The following IGF1R variants were observed in gnomAD, a reference collection of about 807,000 sequenced individuals.
IGF1R encodes the protein insulin like growth factor 1 receptor, also known as insulin-like growth factor 1 receptor.
IGF1R carries 44 observed loss-of-function variants against 144.6 expected under a neutral mutation model. The ratio of observed to expected loss-of-function variants is 0.30; its 90% CI spans 0.24 to 0.39. The LOEUF (loss-of-function observed/expected upper bound fraction) is 0.39. IGF1R is among the 10% of genes least tolerant of loss of function. The pLI is 1.00. For synonymous variants in IGF1R, 795 were observed against 722.8 expected (o/e 1.10, Z -1.60); for missense variants, 1,355 against 1,833.7 (o/e 0.74, Z 4.77).
chr15:98,698,538 C>T (rs1286350622), intron 1 of IGF1R, among the ~76,000 whole-genome samples: 6 of 152,218 alleles, frequency 3.9e-5, no homozygotes, highest in East Asian at 1.9e-4. Flanking sequence ...GAGCAGAATC[C>T]GCAGGATTTC....
chr15:98,956,387 G>C (rs893471758), intron 20 of IGF1R, among the ~76,000 whole-genome samples: 2 of 152,240 alleles, frequency 1.3e-5, no homozygotes, highest in African/African-American at 4.8e-5. Flanking sequence ...GGGGCCTCTC[G>C]TTTGGTCCAG....
chr15:98,758,540 C>A (rs1046197341), intron 2 of IGF1R, among the ~76,000 whole-genome samples: 7 of 152,230 alleles, frequency 4.6e-5, no homozygotes, highest in African/African-American at 1.4e-4. Context: ...CCAGTCTCTT[C>A]CGACAACATA....
Position 98,916,851 on chromosome 15 carries a change from C to G in IGF1R, c.2176C>G (p.Leu726Val). 1 of 1,614,144 alleles carries G rather than the reference C, an allele frequency of 6.2e-7. No individual in the cohort carries two copies. The highest frequency in any genetic ancestry group is 1.1e-5 in the South Asian group (1 of 91,086). Reference protein sequence around the residue: ...AEYRKVFENFLHNSIFVPRPE... With the variant: ...AEYRKVFENFVHNSIFVPRPE... ...ATACCGCAAAGTCTTTGAGAATTTC[C>G]TGCACAACTCCATCTTCGTGCCCAG... The change falls in exon 10 of 21, where the codon CTG (leucine) becomes GTG (valine). Residue 726 changes from leucine (L) to valine (V), a missense_variant. By Grantham distance (32) the Leu-to-Val change is conservative. Transcript: ENST00000650285.
chr15:98,731,667 C>G (rs1203314161), intron 2 of IGF1R, among the ~76,000 whole-genome samples: 1 of 152,146 alleles, frequency 6.6e-6, no homozygotes, highest in Non-Finnish European at 1.5e-5. Context: ...GGACAGTGCA[C>G]CCTTTGGGCT....
At position 98,857,540 on chromosome 15, in the gene IGF1R, A is replaced by G. The variant is rs560114011; in HGVS notation, c.641-33785A>G. ...AGCCTACGTCTTTAAAAATAAATGTAAATACCCAAGGCTCACAGTTCCGTT... is the reference window on the plus strand; with the variant it reads ...AGCCTACGTCTTTAAAAATAAATGTGAATACCCAAGGCTCACAGTTCCGTT... On this transcript the variant is annotated intron_variant, in intron 2 of 20. Coordinates refer to ENST00000650285, the MANE Select transcript of IGF1R (RefSeq NM_000875.5). Among the ~76,000 whole-genome samples, 5 of 152,282 alleles carry G rather than the reference A, an allele frequency of 3.3e-5. No homozygotes were observed. In the South Asian group the frequency reaches 8.3e-4, roughly 25 times the overall value.
intron 2 of IGF1R, among the ~76,000 whole-genome samples, chr15:98,822,267 C>T (rs7174707): frequency 6.6e-6 from 1 of 152,062 alleles, no homozygotes; most frequent in Admixed American, 6.5e-5. Flanking sequence ...CGCCCTACCT[C>T]GAAGGCCCGG....
intron 17 of IGF1R, 149 bp from the exon 18 acceptor site, chr15:98,939,052 T>C: frequency 1.5e-6 from 1 of 687,796 alleles, no homozygotes; most frequent in Non-Finnish European, 2.6e-6. Context: ...TCCATGATGG[T>C]TTGTTCCTTC....
At chr15:98,833,421 G>T (rs951733862) in intron 2 of IGF1R, among the ~76,000 whole-genome samples, 1 of 152,162 alleles carries the variant, frequency 6.6e-6, no homozygotes, top group Admixed American at 6.5e-5. Flanking sequence ...TAAGCCCCCG[G>T]AGCACAGTAT....
At chr15:98,939,534 G>A (rs552745206) in intron 18 of IGF1R, among the ~76,000 whole-genome samples, 174 bp downstream of exon 18, 1 of 152,212 alleles carries the variant, frequency 6.6e-6, no homozygotes, top group Admixed American at 6.5e-5. Flanking sequence ...TGGCACGGTC[G>A]GTCCCAATGC....
chr15:98,707,632 C>T lies in IGF1R; in HGVS notation c.165C>T (p.Ile55=), dbSNP rs749237661. 1.9e-6 allele frequency: 3 copies of T among 1,614,052 alleles called. No individual in the cohort carries two copies. Among genetic ancestry groups the T allele is most frequent in the Admixed American group, 1.7e-5 (1 of 60,002 alleles). Residue 55 remains isoleucine, a synonymous_variant, in exon 2 of 21, where the codon ATC becomes ATT. Coordinates refer to ENST00000650285, the MANE Select transcript of IGF1R (RefSeq NM_000875.5). The surrounding 1 kb of genome is among the most constrained non-coding windows in gnomAD (Gnocchi z 6.7). ...QLKRLENCTV[I]EGYLHILLIS... ...AGCGCCTGGAGAACTGCACGGTGAT[C>T]GAGGGCTACCTCCACATCCTGCTCA...
intron 1 of IGF1R, among the ~76,000 whole-genome samples, chr15:98,689,498 A>G (rs570856184): frequency 6.6e-6 from 1 of 152,040 alleles, no homozygotes; most frequent in East Asian, 1.9e-4. Context: ...AAGTGCTGGG[A>G]TTACAGGCGT....
At chr15:98,872,251 T>G (rs1157334249) in intron 2 of IGF1R, among the ~76,000 whole-genome samples, 1 of 152,216 alleles carries the variant, frequency 6.6e-6, no homozygotes, top group Non-Finnish European at 1.5e-5. Flanking sequence ...TATTTTAGAA[T>G]CTTGTCTTAT....
intron 1 of IGF1R, among the ~76,000 whole-genome samples, chr15:98,676,939 T>A (rs1416386362): frequency 1.3e-5 from 2 of 151,960 alleles, no homozygotes; most frequent in African/African-American, 4.8e-5. Context: ...TAAAAAAAAT[T>A]TTTTTTTCAT....
intron 2 of IGF1R, among the ~76,000 whole-genome samples, chr15:98,762,568 A>G (rs2055332151): frequency 6.6e-6 from 1 of 152,070 alleles, no homozygotes; most frequent in Non-Finnish European, 1.5e-5. Flanking sequence ...TCTCTACTGA[A>G]AATACAAAAG....
At chr15:98,824,202 C>T (rs958564266) in intron 2 of IGF1R, 1 of 152,174 alleles carries the variant, frequency 6.6e-6, no homozygotes, top group Non-Finnish European at 1.5e-5. Context: ...AAATGCACAT[C>T]CCTGTGTGCA....
chr15:98,931,750 G>T (rs2015950365), intron 15 of IGF1R, among the ~76,000 whole-genome samples: 1 of 151,608 alleles, frequency 6.6e-6, no homozygotes, highest in African/African-American at 2.4e-5. Flanking sequence ...TGTAGTCCCA[G>T]CTACTCGGGA....
intron 2 of IGF1R, among the ~76,000 whole-genome samples, chr15:98,709,261 A>G (rs1596216789): frequency 6.6e-6 from 1 of 152,368 alleles, no homozygotes; most frequent in Non-Finnish European, 1.5e-5. Flanking sequence ...TAAATAAAGG[A>G]CAGACCTCCC....
chr15:98,912,710 A>T (rs996924039), intron 7 of IGF1R, among the ~76,000 whole-genome samples: 2 of 151,926 alleles, frequency 1.3e-5, no homozygotes, highest in African/African-American at 4.8e-5. Context: ...TATTTGCATT[A>T]ACTGACTATG....
At chr15:98,869,303 C>CA (rs201750601) in intron 2 of IGF1R, among the ~76,000 whole-genome samples, 23,975 of 133,828 alleles carry the variant, frequency 0.18, 2,631 homozygotes, top group East Asian at 0.46. Flanking sequence ...AAAAAACAAA[C>CA]AACAACAACA....
Sources: allele counts gnomAD v4.1 joint callset (sites outside exome capture counted in the v4.1 genomes callset), GRCh38; gene constraint gnomAD v4.1.1; non-coding constraint Gnocchi (gnomAD v3.1); transcripts MANE v1.5; gene names NCBI Gene and HGNC (gene_info 2026-07-23, HGNC 2026-07-21).